The following RALYL variants were observed in gnomAD, a reference collection of about 807,000 sequenced individuals.
The protein encoded by RALYL is RALY RNA binding protein like, also known as RNA-binding Raly-like protein.
RALYL carries 29 observed loss-of-function variants against 35.1 expected under a neutral mutation model. The ratio of observed to expected loss-of-function variants is 0.83; its 90% CI spans 0.61 to 1.13. The LOEUF is 1.13. RALYL is among the 50% of genes most tolerant of loss of function. The probability of loss-of-function intolerance (pLI) is 0.00; values close to 1 mark genes in which losing one functional copy is unlikely to be tolerated. For synonymous variants in RALYL, 120 were observed against 127.6 expected (o/e 0.94, Z 0.40); for missense variants, 359 against 360.4 (o/e 1.00, Z 0.03).
intron 1 of RALYL, among the ~76,000 whole-genome samples, chr8:84,410,315 C>T (rs932081832): frequency 6.6e-6 from 1 of 151,874 alleles, no homozygotes; most frequent in Non-Finnish European, 1.5e-5. Context: ...TGAAACAAGG[C>T]TTACATTTCT....
At chr8:84,777,535 G>A (rs565016459) in intron 3 of RALYL, among the ~76,000 whole-genome samples, 1 of 152,348 alleles carries the variant, frequency 6.6e-6, no homozygotes, top group South Asian at 2.1e-4. Context: ...TTGCATAAAT[G>A]AGGTAAAAGC....
chr8:84,451,799 C>A (rs1404191756), intron 1 of RALYL, among the ~76,000 whole-genome samples: 3 of 151,978 alleles, frequency 2.0e-5, no homozygotes. Context: ...AGAGTTTATA[C>A]CTAGCATCTT....
At chr8:84,861,384 T>C (rs1273877847) in intron 5 of RALYL, among the ~76,000 whole-genome samples, 1 of 152,208 alleles carries the variant, frequency 6.6e-6, no homozygotes, top group East Asian at 1.9e-4. Context: ...ACAAATAATA[T>C]GAAGCTTCTG....
At chr8:84,242,772 TTC>T (rs1169560359) in intron 1 of RALYL, among the ~76,000 whole-genome samples, 1 of 152,198 alleles carries the variant, frequency 6.6e-6, no homozygotes, top group Non-Finnish European at 1.5e-5. Flanking sequence ...TGCAAAAATT[TTC>T]TCCCATTCTG....
At position 84,428,100 on chromosome 8, in the gene RALYL, TCTCTCTCACA is replaced by T. The variant is rs1425896232; in HGVS notation, c.-23-101197_-23-101188del. On this transcript the variant is annotated intron_variant, in intron 1 of 8. Transcript: ENST00000521268. ...CTGTCTCTCTCTCTCTCTCTCTCTC[TCTCTCTCACA>T]CACACACACACACACACACACACAC... 3.3e-3 allele frequency among the ~76,000 whole-genome samples: 443 copies of T among 134,840 alleles called. 2 individuals are homozygous for T. Among genetic ancestry groups the T allele is most frequent in the African/African-American group, 0.013 (433 of 34,468 alleles). 88.5% of individuals were successfully genotyped at this position (134,840 alleles called of 152,430 possible).
At chr8:84,381,916 G>T (rs555390975) in intron 1 of RALYL, among the ~76,000 whole-genome samples, 136 of 151,454 alleles carry the variant, frequency 9.0e-4, no homozygotes, top group African/African-American at 3.0e-3. Flanking sequence ...TCTGTCCATA[G>T]GGAAAAATAG....
At chr8:84,525,593 C>A (rs1359663487) in intron 1 of RALYL, among the ~76,000 whole-genome samples, 1 of 152,006 alleles carries the variant, frequency 6.6e-6, no homozygotes, top group South Asian at 2.1e-4. Context: ...TCCTTGGAGA[C>A]TCCAGATTTA....
At chr8:84,298,631 G>A (rs769546026) in intron 1 of RALYL, among the ~76,000 whole-genome samples, 25 of 152,070 alleles carry the variant, frequency 1.6e-4, no homozygotes, top group Non-Finnish European at 3.2e-4. Flanking sequence ...CATTGAATCT[G>A]TAAGTTGCTT....
At chr8:84,767,590 C>G (rs1196716288) in intron 2 of RALYL, among the ~76,000 whole-genome samples, 10 of 152,104 alleles carry the variant, frequency 6.6e-5, no homozygotes, top group Admixed American at 6.5e-4. Flanking sequence ...TGGCCCTTCT[C>G]CCTTCAAGTG....
At chr8:84,496,712 A>G (rs2056069361) in intron 1 of RALYL, among the ~76,000 whole-genome samples, 1 of 152,118 alleles carries the variant, frequency 6.6e-6, no homozygotes, top group African/African-American at 2.4e-5. Flanking sequence ...TCTATCATCA[A>G]CTATCTATCT....
intron 1 of RALYL, among the ~76,000 whole-genome samples, chr8:84,524,548 G>A (rs980251882): frequency 6.6e-6 from 1 of 152,102 alleles, no homozygotes; most frequent in African/African-American, 2.4e-5. Context: ...TCATTTAGAT[G>A]GAAATTCAAG....
chr8:84,768,888 G>A (rs984150386), intron 2 of RALYL, among the ~76,000 whole-genome samples: 1 of 152,150 alleles, frequency 6.6e-6, no homozygotes, highest in South Asian at 2.1e-4. Flanking sequence ...GAAATACTGA[G>A]TTTAACAACA....
At chr8:84,250,990 T>A (rs1830085198) in intron 1 of RALYL, among the ~76,000 whole-genome samples, 1 of 152,134 alleles carries the variant, frequency 6.6e-6, no homozygotes, top group Non-Finnish European at 1.5e-5. Context: ...TTGTTCCCAA[T>A]TCTTCAATAT....
At chr8:84,209,332 G>A (rs972230764) in intron 1 of RALYL, among the ~76,000 whole-genome samples, 2 of 152,042 alleles carry the variant, frequency 1.3e-5, no homozygotes, top group African/African-American at 4.8e-5. Context: ...TGTGGCCCCG[G>A]TTATGAAAGC....
intron 8 of RALYL, among the ~76,000 whole-genome samples, chr8:84,919,383 A>G (rs1848964960): frequency 6.6e-6 from 1 of 152,020 alleles, no homozygotes; most frequent in Non-Finnish European, 1.5e-5. Context: ...ATGATAATTG[A>G]TCATTGTTGA....
chr8:84,295,018 C>T (rs562613396), intron 1 of RALYL, among the ~76,000 whole-genome samples: 26 of 152,156 alleles, frequency 1.7e-4, no homozygotes, highest in African/African-American at 6.0e-4. Flanking sequence ...TCTATTGTCA[C>T]GTATGATCTC....
chr8:84,217,016 T>C (rs971216612), intron 1 of RALYL, among the ~76,000 whole-genome samples: 1 of 152,128 alleles, frequency 6.6e-6, no homozygotes, highest in African/African-American at 2.4e-5. Context: ...ATAGATCAAC[T>C]TTGTAATGAC....
At chr8:84,266,490 G>T (rs1447527209) in intron 1 of RALYL, among the ~76,000 whole-genome samples, 1 of 152,162 alleles carries the variant, frequency 6.6e-6, no homozygotes, top group African/African-American at 2.4e-5. Context: ...TCATTTTCCT[G>T]TTTAGTCCTG....
In RALYL at chr8:84,411,381, A is replaced by C. The variant is rs568459007; in HGVS notation, c.-23-117918A>C. Among the ~76,000 whole-genome samples the C allele has an allele frequency of 2.6e-5, 4 of 151,850 alleles. No individual in the cohort carries two copies. In the South Asian group the frequency reaches 8.3e-4, roughly 31 times the overall value. The stretch of plus-strand genomic sequence containing the variant: ...AGTGACTCCATTTTACAGTTCTTTC[A>C]GTGACTTTTCTAAAATTTAACAGTT... On this transcript the variant is annotated intron_variant, in intron 1 of 8. Transcript: ENST00000521268.
Sources: gnomAD v4.1 joint callset for allele counts (sites outside exome capture counted in the v4.1 genomes callset) on GRCh38, gnomAD v4.1.1 for gene constraint, MANE v1.5 for transcripts, NCBI Gene and HGNC (gene_info 2026-07-23, HGNC 2026-07-21) for gene names.